Variants in GJB7 observed in about 807,000 individuals in gnomAD.
GJB7 encodes gap junction beta-7 protein.
For missense variants in GJB7, 253 were observed against 256.8 expected (o/e 0.99, Z 0.10); for synonymous variants, 87 against 95.2 (o/e 0.91, Z 0.50).
intron 2 of GJB7, among the ~76,000 whole-genome samples, chr6:87,313,368 C>T (rs1456169746): frequency 6.6e-6 from 1 of 152,150 alleles, no homozygotes; most frequent in Non-Finnish European, 1.5e-5. Context: ...TTTATTATAG[C>T]TAATGCATGT....
At chr6:87,296,349 A>G (rs896744453) in intron 2 of GJB7, among the ~76,000 whole-genome samples, 49 of 152,234 alleles carry the variant, frequency 3.2e-4, no homozygotes, top group African/African-American at 9.4e-4. Flanking sequence ...GTTAAATTTT[A>G]TATAGAGACA....
At chr6:87,306,472 G>A (rs2127905552) in intron 2 of GJB7, among the ~76,000 whole-genome samples, 1 of 152,298 alleles carries the variant, frequency 6.6e-6, no homozygotes, top group Middle Eastern at 3.4e-3. Flanking sequence ...AAACCACAAT[G>A]AGATACCATC....
intron 2 of GJB7, among the ~76,000 whole-genome samples, chr6:87,285,770 G>A (rs1776050231): frequency 6.6e-6 from 1 of 152,112 alleles, no homozygotes; most frequent in Non-Finnish European, 1.5e-5. Context: ...AGCTTATCTT[G>A]TTGACAGTCT....
At position 87,284,702 on chromosome 6, in the gene GJB7, T is replaced by C; in HGVS notation, c.211A>G (p.Ile71Val). The stretch of plus-strand genomic sequence containing the variant: ...AAGGCCCAAAGTCTGACTTGGGAAA[T>C]GGGGAAGAAGTCATCAAAACACACA... ...KNVCFDDFFP[I>V]SQVRLWALQL... The change falls in exon 3 of 3, where the codon ATT becomes GTT. Residue 71 changes from isoleucine (I) to valine (V), a missense_variant. Transcript: ENST00000525899. The C allele has an allele frequency of 1.2e-6, 2 of 1,613,990 alleles. No homozygotes were observed. The highest frequency in any genetic ancestry group is 1.7e-6 in the Non-Finnish European group (2 of 1,180,000).
At chr6:87,328,563 C>CG (rs1454358863) in intron 1 of GJB7, among the ~76,000 whole-genome samples, 5 of 151,948 alleles carry the variant, frequency 3.3e-5, no homozygotes, top group Non-Finnish European at 7.3e-5. Context: ...TTAGGCTGCT[C>CG]GGGGGTCAGG....
At chr6:87,326,000 T>G (rs1269814497) in intron 1 of GJB7, among the ~76,000 whole-genome samples, 1 of 152,164 alleles carries the variant, frequency 6.6e-6, no homozygotes, top group African/African-American at 2.4e-5. Context: ...CTTGGGAGAG[T>G]GTATGTGTCG....
At chr6:87,299,716 C>T (rs2093457542) in intron 2 of GJB7, 1 of 161,758 alleles carries the variant, frequency 6.2e-6, no homozygotes, top group African/African-American at 2.4e-5. Flanking sequence ...TACTGGTGGT[C>T]TGGTGTTTAG....
intron 2 of GJB7, among the ~76,000 whole-genome samples, chr6:87,302,634 C>T (rs898602333): frequency 9.2e-5 from 14 of 152,152 alleles, no homozygotes; most frequent in African/African-American, 3.1e-4. Flanking sequence ...ACTTCCCCAA[C>T]CTAGCAAGGC....
At chr6:87,312,619 A>G (rs989971056) in intron 2 of GJB7, among the ~76,000 whole-genome samples, 1 of 152,226 alleles carries the variant, frequency 6.6e-6, no homozygotes. Flanking sequence ...CAACAGTATT[A>G]AAGAACATTT....
chr6:87,286,005 T>A (rs73754174), intron 2 of GJB7, among the ~76,000 whole-genome samples: 1,685 of 152,346 alleles, frequency 0.011, 36 homozygotes, highest in African/African-American at 0.037. Context: ...TTGAGTTCTA[T>A]ACCACTCTAC....
chr6:87,284,552 A>G lies in GJB7; in HGVS notation c.361T>C (p.Trp121Arg), dbSNP rs1452599622. 5.0e-6 allele frequency: 8 copies of G among 1,614,068 alleles called. No homozygotes were observed. Among genetic ancestry groups the G allele is most frequent in the African/African-American group, 1.3e-5 (1 of 74,922 alleles). Residue 121 changes from tryptophan (W) to arginine (R), a missense_variant, in exon 3 of 3, where the codon TGG becomes CGG. Transcript: ENST00000525899. ...VSPGTMDGGL[W>R]YAYLISLIVK... Reference sequence around the variant, plus strand: ...ATGAGGCTGATAAGATAAGCGTACCATAGGCCCCCATCCATTGTACCTGGG... The same window carrying G: ...ATGAGGCTGATAAGATAAGCGTACCGTAGGCCCCCATCCATTGTACCTGGG...
At position 87,284,118 on chromosome 6, in the gene GJB7, T is replaced by G. The variant is rs115377174; in HGVS notation, c.*123A>C. The G allele has an allele frequency of 1.7e-3, 1,333 of 777,716 alleles. 19 individuals carry two copies. The African/African-American group carries it at 0.021, about 12-fold the overall frequency. 48.2% of individuals were successfully genotyped at this position (777,716 alleles called of 1,614,324 possible). On this transcript the variant is annotated 3_prime_UTR_variant, in exon 3 of 3. Transcript: ENST00000525899. Reference sequence around the variant, plus strand: ...TGCAGGTTTTCTTTGTTTAACCCTCTTGTGTGTCACAGAGTAGCTTTGCTT... The same window carrying G: ...TGCAGGTTTTCTTTGTTTAACCCTCGTGTGTGTCACAGAGTAGCTTTGCTT...
intron 2 of GJB7, among the ~76,000 whole-genome samples, chr6:87,288,655 C>G (rs1225222814): frequency 6.6e-6 from 1 of 152,186 alleles, no homozygotes; most frequent in African/African-American, 2.4e-5. Flanking sequence ...TCTCAGTGTT[C>G]TCTGCTTCAG....
chr6:87,318,472 C>T (rs1056739895), intron 2 of GJB7, among the ~76,000 whole-genome samples: 15 of 152,182 alleles, frequency 9.9e-5, no homozygotes, highest in African/African-American at 3.6e-4. Flanking sequence ...TCACTCAAGG[C>T]TTGCACACCT....
chr6:87,286,497 C>T (rs554966358), intron 2 of GJB7, among the ~76,000 whole-genome samples: 77 of 152,312 alleles, frequency 5.1e-4, no homozygotes, highest in African/African-American at 1.7e-3. Context: ...TTATCTCCTT[C>T]CCTCCCCTTC....
chr6:87,315,520 G>A (rs570614476), intron 2 of GJB7, among the ~76,000 whole-genome samples: 40 of 152,132 alleles, frequency 2.6e-4, no homozygotes, highest in Non-Finnish European at 4.7e-4. Context: ...GGCCAGGTAC[G>A]GTGGCTCACA....
intron 2 of GJB7, among the ~76,000 whole-genome samples, chr6:87,301,636 A>G (rs1776329203): frequency 6.6e-6 from 1 of 152,156 alleles, no homozygotes; most frequent in African/African-American, 2.4e-5. Context: ...GGCAGCAGAA[A>G]CCTCTGCAGA....
chr6:87,312,336 A>AC (rs1291409836), intron 2 of GJB7, among the ~76,000 whole-genome samples: 1 of 151,782 alleles, frequency 6.6e-6, no homozygotes, highest in Admixed American at 6.6e-5. Flanking sequence ...AGATGGTGAA[A>AC]CCCCGTCTCT....
chr6:87,310,227 A>G (rs1333595619), intron 2 of GJB7, among the ~76,000 whole-genome samples: 1 of 152,206 alleles, frequency 6.6e-6, no homozygotes, highest in Non-Finnish European at 1.5e-5. Flanking sequence ...TATAACAAAG[A>G]AGAATATCTT....
Sources: gnomAD v4.1 joint callset for allele counts (sites outside exome capture counted in the v4.1 genomes callset) on GRCh38, gnomAD v4.1.1 for gene constraint, MANE v1.5 for transcripts, NCBI Gene and HGNC (gene_info 2026-07-23, HGNC 2026-07-21) for gene names.